GCHFR: variants seen among roughly 807,000 people sequenced by gnomAD.
The protein encoded by GCHFR is GTP cyclohydrolase 1 feedback regulatory protein.
Under a neutral mutation model 10.6 loss-of-function variants are expected in GCHFR, and 12 were observed. The ratio of observed to expected loss-of-function variants is 1.13; its 90% CI spans 0.72 to 1.83. GCHFR has a LOEUF of 1.83. Ranked by LOEUF, GCHFR falls within the 40% of genes most tolerant of loss-of-function variation. The pLI, the probability that GCHFR is intolerant of heterozygous loss-of-function variation, is 0.00. For missense variants in GCHFR, 116 were observed against 110.6 expected (o/e 1.05, Z -0.22); for synonymous variants, 54 against 43.7 (o/e 1.24, Z -0.93).
At chr15:40,766,530 C>T (rs1441290400) in intron 2 of GCHFR, 1 of 152,278 alleles carries the variant, frequency 6.6e-6, no homozygotes, top group Non-Finnish European at 1.5e-5. Context: ...AGGGCTGATC[C>T]CAGCCCCTGG....
rs1166551106 is a variant in GCHFR at position 40,767,255 on chromosome 15, G to A, written c.161G>A (p.Arg54His). 6.3e-6 allele frequency: 10 copies of A among 1,592,638 alleles called. No individual in the cohort carries two copies. Among genetic ancestry groups the A allele is most frequent in the Non-Finnish European group, 6.8e-6 (8 of 1,169,904 alleles). Residue 54 changes from arginine to histidine, a missense_variant, in exon 3 of 3, where the codon CGC becomes CAC. Coordinates refer to ENST00000260447, the MANE Select transcript of GCHFR (RefSeq NM_005258.3). ...FYEYYVDDPP[R>H]IVLDKLERRG... is the part of the protein sequence containing the mutation. Reference sequence around the variant, plus strand: ...GAATACTACGTCGATGACCCTCCCCGCATAGTCCTGGACAAGCTGGAACGC... The same window carrying A: ...GAATACTACGTCGATGACCCTCCCCACATAGTCCTGGACAAGCTGGAACGC...
In GCHFR at chr15:40,767,315, G is replaced by A. The variant is rs774287216; in HGVS notation, c.221G>A (p.Gly74Asp). Reference sequence around the variant, plus strand: ...CGTGTGCTGAGCATGACGGGGGTGGGCCAGACGCTGGTGTGGTGTCTGCAC... The same window carrying A: ...CGTGTGCTGAGCATGACGGGGGTGGACCAGACGCTGGTGTGGTGTCTGCAC... Reference protein sequence around the residue: ...GFRVLSMTGVGQTLVWCLHKE With the variant: ...GFRVLSMTGVDQTLVWCLHKE Residue 74 changes from glycine (G) to aspartate (D), a missense_variant, in exon 3 of 3, where the codon GGC (glycine) becomes GAC (aspartate). Coordinates refer to ENST00000260447, the MANE Select transcript of GCHFR (RefSeq NM_005258.3). 1 of 1,603,502 alleles carries A rather than the reference G, an allele frequency of 6.2e-7. No homozygotes were observed. The highest frequency in any genetic ancestry group is 8.5e-7 in the Non-Finnish European group (1 of 1,175,376).
Position 40,767,628 on chromosome 15 carries a change from G to A in GCHFR, c.*279G>A, listed in dbSNP as rs1177180454. ...CCATGTTCCTCGGGCAGCTGCCCCG[G>A]GCCGGAGCTGGGCACTCCAGCGGCC... is the stretch of plus-strand genomic sequence containing the variant. On this transcript the variant is annotated 3_prime_UTR_variant, in exon 3 of 3. Coordinates refer to ENST00000260447, the MANE Select transcript of GCHFR (RefSeq NM_005258.3). The A allele has an allele frequency of 1.7e-6, 1 of 580,182 alleles. No individual in the cohort carries two copies. Among genetic ancestry groups the A allele is most frequent in the Non-Finnish European group, 2.9e-6 (1 of 342,584 alleles). 35.9% of individuals were successfully genotyped at this position (580,182 alleles called of 1,614,324 possible).
chr15:40,764,110 G>A lies in GCHFR; in HGVS notation c.-71G>A. Reference sequence around the variant, plus strand: ...ACTCCCAGCTGCGCGTCGCAGTCCCGACGCGAGAAGGGCTGGAGTCGGCGT... The same window carrying A: ...ACTCCCAGCTGCGCGTCGCAGTCCCAACGCGAGAAGGGCTGGAGTCGGCGT... On this transcript the variant is annotated 5_prime_UTR_variant, in exon 1 of 3. Transcript: ENST00000260447. 3 of 1,453,380 alleles carry A rather than the reference G, an allele frequency of 2.1e-6. No individual in the cohort carries two copies. The highest frequency in any genetic ancestry group is 2.5e-5 in the South Asian group (2 of 80,806). The allele number at this position is 1,453,380 out of a possible 1,614,324, so 90.0% of individuals were successfully genotyped here. A position where few individuals can be genotyped will look rare whatever the true frequency, so the allele number is the denominator to read the frequency against.
intron 1 of GCHFR, chr15:40,764,542 A>ACAGTGCCCT (rs1288369478): frequency 1.3e-5 from 5 of 392,072 alleles, no homozygotes; most frequent in Non-Finnish European, 2.3e-5. Context: ...CCTCACGCGC[A>ACAGTGCCCT]GCACCTAGTG....
chr15:40,764,266 G>GGCCTTCATGCCTCCCTC, intron 1 of GCHFR, 50 bp downstream of exon 1: 1 of 1,497,316 alleles, frequency 6.7e-7, no homozygotes, highest in Non-Finnish European at 9.0e-7. Context: ...GCCCTAGGGG[G>GGCCTTCATGCCTCCCTC]CTGCGACTGC....
chr15:40,765,096 C>G (rs1888919989), intron 1 of GCHFR: 1 of 152,212 alleles, frequency 6.6e-6, no homozygotes, highest in South Asian at 2.1e-4. Flanking sequence ...CTTCCCAGAC[C>G]TCCTAAAACT....
At chr15:40,766,185 A>G (rs965198292) in intron 2 of GCHFR, 5 of 292,974 alleles carry the variant, frequency 1.7e-5, no homozygotes, top group Non-Finnish European at 3.2e-5. Context: ...CTAGGACTCC[A>G]CTAGCAGACT....
chr15:40,767,104 G>C, intron 2 of GCHFR, 122 bp from the exon 3 acceptor site: 1 of 1,058,640 alleles, frequency 9.4e-7, no homozygotes. Context: ...CCAGCGCCCA[G>C]CAAGCAGCCA....
Position 40,764,177 on chromosome 15 carries a change from C to A in GCHFR, c.-4C>A. ...GGTGGGAGCCAGGCCGGGACGCGTG[C>A]ACCATGCCCTACCTGCTCATCAGCA... On this transcript the variant is annotated 5_prime_UTR_variant, in exon 1 of 3. Coordinates refer to ENST00000260447, the MANE Select transcript of GCHFR (RefSeq NM_005258.3). The A allele has an allele frequency of 1.3e-6, 2 of 1,553,728 alleles. No individual in the cohort carries two copies. The highest frequency in any genetic ancestry group is 1.7e-6 in the Non-Finnish European group (2 of 1,150,052).
rs1187190121 is a variant in GCHFR at position 40,765,886 on chromosome 15, G to C, written c.96G>C (p.Leu32=). The change falls in exon 2 of 3, where the codon CTG becomes CTC. Residue 32 remains leucine, a synonymous_variant. Coordinates refer to ENST00000260447, the MANE Select transcript of GCHFR (RefSeq NM_005258.3). The part of the protein sequence containing the change: ...EQSDPELMQH[L]GASKRRALGN... ...CGGATCCAGAGCTGATGCAGCATCT[G>C]GGGGCTTCAAAGAGAAGAGCCTTGG... 1.3e-6 allele frequency: 2 copies of C among 1,580,736 alleles called. No individual in the cohort carries two copies.
At chr15:40,765,583 G>C (rs1048422099) in intron 1 of GCHFR, 6 of 325,092 alleles carry the variant, frequency 1.8e-5, no homozygotes, top group Non-Finnish European at 2.8e-5. Flanking sequence ...CTATAGGCTC[G>C]TGATACTTTG....
chr15:40,766,236 G>GCT (rs771465283), intron 2 of GCHFR: 46 of 214,636 alleles, frequency 2.1e-4, no homozygotes, highest in Non-Finnish European at 3.8e-4. Flanking sequence ...CCCCATCAAG[G>GCT]ACAGACAGGC....
At position 40,764,200 on chromosome 15, in the gene GCHFR, G is replaced by T. The variant is rs1213784820; in HGVS notation, c.20G>T (p.Ser7Ile). 6.4e-7 allele frequency: 1 copy of T among 1,560,006 alleles called. No homozygotes were observed. Among genetic ancestry groups the T allele is most frequent in the East Asian group, 2.4e-5 (1 of 41,854 alleles). ...TGCACCATGCCCTACCTGCTCATCA[G>T]CACCCAGATCCGCATGGTGAGTACC... Reference protein sequence around the residue: MPYLLISTQIRMEVGPT... With the variant: MPYLLIITQIRMEVGPT... The change falls in exon 1 of 3, where the codon AGC (serine) becomes ATC (isoleucine). Residue 7 changes from serine to isoleucine, a missense_variant. Physicochemically the swap from Ser to Ile is moderately radical, Grantham distance 142. Transcript: ENST00000260447.
intron 2 of GCHFR, 183 bp downstream of exon 2, chr15:40,766,104 C>T (rs940661983): frequency 2.3e-6 from 1 of 432,040 alleles, no homozygotes; most frequent in Non-Finnish European, 4.2e-6. Flanking sequence ...CCCCCTCTCC[C>T]CCACGAGGCT....
At chr15:40,765,587 T>G (rs908615205) in intron 1 of GCHFR, 1 of 332,932 alleles carries the variant, frequency 3.0e-6, no homozygotes, top group Non-Finnish European at 5.4e-6. Flanking sequence ...AGGCTCGTGA[T>G]ACTTTGCCTG....
chr15:40,764,269 GC>G, intron 1 of GCHFR, 53 bp downstream of exon 1: 1 of 1,488,778 alleles, frequency 6.7e-7, no homozygotes, highest in Non-Finnish European at 9.1e-7. Context: ...CTAGGGGGCT[GC>G]GACTGCACCT....
At chr15:40,767,201 C>T (rs761724887) in intron 2 of GCHFR, 25 bp from the exon 3 acceptor site, 5 of 1,437,998 alleles carry the variant, frequency 3.5e-6, no homozygotes, top group Non-Finnish European at 4.6e-6. Context: ...CCCCTCCTCA[C>T]CCCCCCCATC....
chr15:40,764,200 G>A lies in GCHFR; in HGVS notation c.20G>A (p.Ser7Asn). The change falls in exon 1 of 3, where the codon AGC becomes AAC. Residue 7 changes from serine (S) to asparagine (N), a missense_variant. Transcript: ENST00000260447. MPYLLI[S>N]TQIRMEVGPT... The stretch of plus-strand genomic sequence containing the variant: ...TGCACCATGCCCTACCTGCTCATCA[G>A]CACCCAGATCCGCATGGTGAGTACC... 1.3e-6 allele frequency: 2 copies of A among 1,560,006 alleles called. No homozygotes were observed.
Sources: allele counts gnomAD v4.1 joint callset, GRCh38; gene constraint gnomAD v4.1.1; transcripts MANE v1.5; gene names NCBI Gene and HGNC (gene_info 2026-07-23, HGNC 2026-07-21).